The following PCMTD1 variants were observed in gnomAD, a reference collection of about 807,000 sequenced individuals.
The protein encoded by PCMTD1 is protein-L-isoaspartate O-methyltransferase domain-containing protein 1.
PCMTD1 carries 12 observed loss-of-function variants against 37.6 expected under a neutral mutation model. The ratio of observed to expected loss-of-function variants is 0.32; its 90% CI spans 0.20 to 0.52. PCMTD1 has a LOEUF of 0.52. Among genes scored for constraint, PCMTD1 ranks in the 20% least tolerant of loss-of-function variants. PCMTD1 has a pLI of 0.97. For synonymous variants in PCMTD1, 117 were observed against 135.8 expected (o/e 0.86, Z 0.96); for missense variants, 235 against 421.3 (o/e 0.56, Z 3.87).
At chr8:51,854,805 A>G (rs1201508316) in intron 2 of PCMTD1, among the ~76,000 whole-genome samples, 4 of 151,344 alleles carry the variant, frequency 2.6e-5, no homozygotes, top group African/African-American at 9.7e-5. Flanking sequence ...TGAACCTGGG[A>G]GGCGGAGGTT....
At chr8:51,821,376 T>A (rs1025146351) in intron 5 of PCMTD1, among the ~76,000 whole-genome samples, 4 of 152,230 alleles carry the variant, frequency 2.6e-5, no homozygotes, top group African/African-American at 9.6e-5. Context: ...CCTGAGCTCA[T>A]GTGATCCTCT....
chr8:51,841,748 A>G (rs894039807), intron 3 of PCMTD1, among the ~76,000 whole-genome samples: 1 of 152,192 alleles, frequency 6.6e-6, no homozygotes, highest in African/African-American at 2.4e-5. Flanking sequence ...TTTCCTCTCA[A>G]AAGCCAGATA....
At chr8:51,843,209 T>C (rs77177563) in intron 3 of PCMTD1, among the ~76,000 whole-genome samples, 4,343 of 152,036 alleles carry the variant, frequency 0.029, 66 homozygotes, top group Middle Eastern at 0.045. Flanking sequence ...AGCCACTCAT[T>C]ATGCAAAATG....
chr8:51,881,444 A>G (rs1323285616), intron 1 of PCMTD1, among the ~76,000 whole-genome samples: 1 of 152,200 alleles, frequency 6.6e-6, no homozygotes, highest in Non-Finnish European at 1.5e-5. Context: ...AAAACAGGTC[A>G]TAAGACAAAA....
rs148335633 is a variant in PCMTD1 at position 51,883,917 on chromosome 8, G to C, written c.-96+15013C>G. On this transcript the variant is annotated intron_variant, in intron 1 of 5. Transcript: ENST00000522514. ...TAAACCCAAACAAAATAGGCACTTT[G>C]ATATTTGTGAAAGCAGGTCAACAGA... is the stretch of plus-strand genomic sequence containing the variant. Among the ~76,000 whole-genome samples, 8 of 152,270 alleles carry C rather than the reference G, an allele frequency of 5.3e-5. No homozygotes were observed. In the East Asian group the frequency reaches 1.5e-3, roughly 29 times the overall value.
chr8:51,873,424 T>C (rs2038665611), intron 1 of PCMTD1, among the ~76,000 whole-genome samples: 2 of 152,240 alleles, frequency 1.3e-5, no homozygotes. Context: ...GAGCAAATTA[T>C]TCTATCCCTA....
At chr8:51,868,725 C>G (rs1276859270) in intron 1 of PCMTD1, among the ~76,000 whole-genome samples, 1 of 152,084 alleles carries the variant, frequency 6.6e-6, no homozygotes, top group East Asian at 1.9e-4. Flanking sequence ...CAAAGAGTTT[C>G]ACAGATACAG....
chr8:51,840,994 A>G (rs1033941110), intron 3 of PCMTD1, among the ~76,000 whole-genome samples: 2 of 152,206 alleles, frequency 1.3e-5, no homozygotes, highest in South Asian at 4.1e-4. Flanking sequence ...TTTCCTATCT[A>G]GGAAACTTTC....
intron 3 of PCMTD1, among the ~76,000 whole-genome samples, chr8:51,834,703 CCT>C (rs200431194): frequency 0.012 from 1,772 of 152,056 alleles, 33 homozygotes; most frequent in African/African-American, 0.041. Context: ...TAAAATATAC[CCT>C]GTCCTTTAGT....
intron 1 of PCMTD1, among the ~76,000 whole-genome samples, chr8:51,887,779 G>A (rs1195577712): frequency 1.5e-5 from 2 of 133,672 alleles, no homozygotes; most frequent in East Asian, 4.3e-4. Flanking sequence ...GTCTTGCTCT[G>A]TCACCAGGCT....
chr8:51,841,704 A>T (rs1030294473), intron 3 of PCMTD1, among the ~76,000 whole-genome samples: 2 of 152,164 alleles, frequency 1.3e-5, no homozygotes, highest in South Asian at 4.1e-4. Context: ...ATGAGCAAAT[A>T]CTGACTCATA....
intron 3 of PCMTD1, among the ~76,000 whole-genome samples, chr8:51,839,177 T>C (rs1043494261): frequency 6.6e-6 from 1 of 152,062 alleles, no homozygotes; most frequent in Non-Finnish European, 1.5e-5. Context: ...ATGTTATATG[T>C]ATACAGAAGG....
chr8:51,829,647 G>A (rs1384042515), intron 5 of PCMTD1, among the ~76,000 whole-genome samples: 1 of 152,116 alleles, frequency 6.6e-6, no homozygotes, highest in African/African-American at 2.4e-5. Context: ...GTGGGAGCCT[G>A]TAATCCCAGC....
Position 51,826,790 on chromosome 8 carries a change from C to T in PCMTD1, c.706+4654G>A, listed in dbSNP as rs568948541. 12 of 508,468 alleles carry T rather than the reference C, an allele frequency of 2.4e-5. No individual in the cohort carries two copies. The South Asian group carries it at 1.0e-3, about 43-fold the overall frequency. 31.5% of individuals were successfully genotyped at this position (508,468 alleles called of 1,614,324 possible). A position where few individuals can be genotyped will look rare whatever the true frequency, so the allele number is the denominator to read the frequency against. On this transcript the variant is annotated intron_variant, in intron 5 of 5. Coordinates refer to ENST00000522514, the MANE Select transcript of PCMTD1 (RefSeq NM_052937.4). ...TATAGTCCCAAAATTTATGAAGTCT[C>T]TTATGCCCCTGAACTTTAAACAATG...
At chr8:51,829,482 T>C (rs1563336431) in intron 5 of PCMTD1, among the ~76,000 whole-genome samples, 2 of 152,230 alleles carry the variant, frequency 1.3e-5, no homozygotes, top group South Asian at 2.1e-4. Flanking sequence ...GTCACACACA[T>C]TGACTAGGCT....
chr8:51,833,888 C>T (rs1456236163), intron 3 of PCMTD1, among the ~76,000 whole-genome samples, 199 bp from the exon 4 acceptor site: 1 of 152,066 alleles, frequency 6.6e-6, no homozygotes, highest in Non-Finnish European at 1.5e-5. Flanking sequence ...TGACATAGGA[C>T]GGACATGTGT....
chr8:51,845,695 CCA>C lies in PCMTD1; in HGVS notation c.374_375del (p.Leu125ArgfsTer7). ...SDVVEYAKEK[L>X]ESFIKNSDSF... ...CTATCACTATTTTTGATGAAGCTCT[CCA>C]GTTTTTCCTTGGCATATTCCACCAC... is the stretch of plus-strand genomic sequence containing the variant. On this transcript the variant is annotated frameshift_variant, in exon 3 of 6. Coordinates refer to ENST00000522514, the MANE Select transcript of PCMTD1 (RefSeq NM_052937.4). LOFTEE classifies it high-confidence loss of function. 6.2e-7 allele frequency: 1 copy of C among 1,612,942 alleles called. No homozygotes were observed. Among genetic ancestry groups the C allele is most frequent in the Non-Finnish European group, 8.5e-7 (1 of 1,179,528 alleles).
At chr8:51,820,786 T>C in intron 5 of PCMTD1, 68 bp from the exon 6 acceptor site, 1 of 1,407,176 alleles carries the variant, frequency 7.1e-7, no homozygotes, top group Middle Eastern at 1.9e-4. Flanking sequence ...GTTTATTTTT[T>C]TCATAGAACA....
At chr8:51,833,924 A>C (rs947922783) in intron 3 of PCMTD1, among the ~76,000 whole-genome samples, 1 of 152,198 alleles carries the variant, frequency 6.6e-6, no homozygotes, top group Non-Finnish European at 1.5e-5. Flanking sequence ...ATTTTTGCCC[A>C]CACTGAAACC....
Sources: allele counts gnomAD v4.1 joint callset (sites outside exome capture counted in the v4.1 genomes callset), GRCh38; gene constraint gnomAD v4.1.1; transcripts MANE v1.5; gene names NCBI Gene and HGNC (gene_info 2026-07-23, HGNC 2026-07-21).